Variants in PALM2AKAP2 observed in about 807,000 individuals in gnomAD.
The protein encoded by PALM2AKAP2 is PALM2-AKAP2 fusion protein.
PALM2AKAP2 carries 37 observed loss-of-function variants against 71.5 expected under a neutral mutation model. The observed-to-expected ratio is 0.52, with a 90% CI of 0.40 to 0.68. The LOEUF (loss-of-function observed/expected upper bound fraction) is 0.68. Among genes scored for constraint, PALM2AKAP2 ranks in the 30% least tolerant of loss-of-function variants. PALM2AKAP2 has a pLI of 0.00. For missense variants in PALM2AKAP2, 1,224 were observed against 1,191.8 expected (o/e 1.03, Z -0.40); for synonymous variants, 468 against 478.8 (o/e 0.98, Z 0.29).
intron 6 of PALM2AKAP2, among the ~76,000 whole-genome samples, chr9:110,006,538 T>C (rs1448801994): frequency 2.0e-5 from 3 of 151,656 alleles, no homozygotes; most frequent in African/African-American, 7.3e-5. Context: ...TTTTGTTTGT[T>C]TGTTTTTAGA....
At chr9:109,840,257 A>C (rs1587949263) in intron 1 of PALM2AKAP2, among the ~76,000 whole-genome samples, 2 of 152,312 alleles carry the variant, frequency 1.3e-5, no homozygotes, top group East Asian at 1.9e-4. Context: ...CAAAAACAAG[A>C]AATGGGGAAA....
At chr9:110,078,851 G>C (rs1834381770) in intron 1 of PALM2AKAP2, among the ~76,000 whole-genome samples, 1 of 152,218 alleles carries the variant, frequency 6.6e-6, no homozygotes, top group Admixed American at 6.5e-5. Flanking sequence ...CATTTCTCAT[G>C]GTGTGGAAAA....
intron 1 of PALM2AKAP2, among the ~76,000 whole-genome samples, chr9:109,716,424 T>C (rs1023006): frequency 0.26 from 39,601 of 152,110 alleles, 5,270 homozygotes; most frequent in East Asian, 0.38. Flanking sequence ...CCAGATAAAA[T>C]ACAGGATTCC....
At chr9:109,899,577 T>A (rs1029868383) in intron 3 of PALM2AKAP2, among the ~76,000 whole-genome samples, 7 of 152,232 alleles carry the variant, frequency 4.6e-5, no homozygotes, top group Non-Finnish European at 7.3e-5. Context: ...TTCCTTGGAC[T>A]ATAAGATAAA....
At chr9:110,135,152 C>CAAAAAAAAAAAAAAAAA (rs1198538795) in intron 1 of PALM2AKAP2, among the ~76,000 whole-genome samples, 1 of 27,028 alleles carries the variant, frequency 3.7e-5, no homozygotes, top group African/African-American at 1.5e-4. Context: ...TCTGTCTCTA[C>CAAAAAAAAAAAAAAAAA]AAAAAAAAAA....
chr9:110,053,477 G>A (rs1162884685), intron 1 of PALM2AKAP2, among the ~76,000 whole-genome samples: 4 of 136,778 alleles, frequency 2.9e-5, no homozygotes, highest in Admixed American at 2.5e-4. Context: ...GCAGTGAGCC[G>A]AGATGGAGCC....
chr9:109,707,583 T>C (rs1828163716), intron 1 of PALM2AKAP2, among the ~76,000 whole-genome samples: 1 of 152,208 alleles, frequency 6.6e-6, no homozygotes, highest in South Asian at 2.1e-4. Flanking sequence ...CATTGACTTT[T>C]GGCTTGATTT....
intron 1 of PALM2AKAP2, among the ~76,000 whole-genome samples, chr9:110,105,741 G>C (rs530567157): frequency 2.0e-5 from 3 of 152,160 alleles, no homozygotes; most frequent in Admixed American, 2.0e-4. Context: ...TTTTTAATGT[G>C]AGTGGACATA....
chr9:110,053,481 T>G, intron 1 of PALM2AKAP2, among the ~76,000 whole-genome samples: 1 of 123,876 alleles, frequency 8.1e-6, no homozygotes. Flanking sequence ...TGAGCCGAGA[T>G]GGAGCCACTG....
rs546766722 is a variant in PALM2AKAP2 at position 110,075,883 on chromosome 9, A to T, written c.156+27028A>T. ...TTATATATGTCTATATTATATACAG[A>T]TGCATAATTTTTAATATTTTTTTCT... On this transcript the variant is annotated intron_variant, in intron 1 of 3. Transcript: ENST00000374525. Among the ~76,000 whole-genome samples the T allele has an allele frequency of 2.6e-5, 4 of 152,184 alleles. No homozygotes were observed. In the East Asian group the frequency reaches 5.8e-4, roughly 22 times the overall value.
At chr9:109,910,047 C>A (rs923312128) in intron 3 of PALM2AKAP2, among the ~76,000 whole-genome samples, 1 of 152,120 alleles carries the variant, frequency 6.6e-6, no homozygotes, top group Non-Finnish European at 1.5e-5. Flanking sequence ...TAGGAGAGAG[C>A]CTATACTAGG....
At chr9:109,743,506 G>C (rs1396466610) in intron 1 of PALM2AKAP2, among the ~76,000 whole-genome samples, 2 of 152,126 alleles carry the variant, frequency 1.3e-5, no homozygotes, top group African/African-American at 2.4e-5. Context: ...CCCATACCAT[G>C]TATGACTGCT....
intron 6 of PALM2AKAP2, among the ~76,000 whole-genome samples, chr9:110,010,865 A>G (rs1832868391): frequency 6.8e-6 from 1 of 148,048 alleles, no homozygotes; most frequent in East Asian, 2.0e-4. Context: ...GCATGGTGGT[A>G]CATGCCTGTA....
chr9:109,705,938 A>C (rs1828136744), intron 1 of PALM2AKAP2, among the ~76,000 whole-genome samples: 1 of 152,184 alleles, frequency 6.6e-6, no homozygotes, highest in African/African-American at 2.4e-5. Context: ...ATAATTCCCC[A>C]ATCCTTCTGC....
At chr9:110,052,326 G>A (rs1244092024) in intron 1 of PALM2AKAP2, among the ~76,000 whole-genome samples, 1 of 152,170 alleles carries the variant, frequency 6.6e-6, no homozygotes, top group African/African-American at 2.4e-5. Context: ...GCAGCACTTC[G>A]GGTAGCTTGG....
chr9:110,135,257 C>T (rs1482516078), intron 1 of PALM2AKAP2, among the ~76,000 whole-genome samples: 1 of 104,412 alleles, frequency 9.6e-6, no homozygotes, highest in African/African-American at 3.9e-5. Flanking sequence ...GCCGAGATGG[C>T]ACACTGCACT....
intron 1 of PALM2AKAP2, among the ~76,000 whole-genome samples, chr9:109,847,475 C>T (rs991958538): frequency 2.0e-5 from 3 of 152,184 alleles, no homozygotes; most frequent in East Asian, 1.9e-4. Context: ...GGCGTGATGG[C>T]TCACGCCTGT....
intron 1 of PALM2AKAP2, among the ~76,000 whole-genome samples, chr9:109,797,769 T>A (rs181163779): frequency 1.0e-3 from 152 of 152,322 alleles, no homozygotes; most frequent in African/African-American, 3.4e-3. Flanking sequence ...CTAGTTTAGT[T>A]CCCTTTGAGC....
At chr9:110,071,505 T>C (rs1476424793) in intron 1 of PALM2AKAP2, among the ~76,000 whole-genome samples, 4 of 152,354 alleles carry the variant, frequency 2.6e-5, no homozygotes, top group South Asian at 4.1e-4. Context: ...GTCTATCTTA[T>C]TGACGTCTTT....
Sources: allele counts gnomAD v4.1 joint callset (sites outside exome capture counted in the v4.1 genomes callset), GRCh38; gene constraint gnomAD v4.1.1; transcripts MANE v1.5; gene names NCBI Gene and HGNC (gene_info 2026-07-23, HGNC 2026-07-21).